FBXW7: variants seen among roughly 807,000 people sequenced by gnomAD.
The protein encoded by FBXW7 is F-box/WD repeat-containing protein 7.
A neutral mutation model predicts 86.3 loss-of-function variants in FBXW7; 11 were observed. That is an observed-to-expected ratio of 0.13 (90% CI 0.08 to 0.21). The LOEUF (loss-of-function observed/expected upper bound fraction) is 0.21, where lower values mean the gene tolerates loss of function less well. FBXW7 is among the 10% of genes least tolerant of loss of function. FBXW7 has a pLI of 1.00. For missense variants in FBXW7, 488 were observed against 847.4 expected, an observed-to-expected ratio of 0.58 and a Z score of 5.27; for synonymous variants, 313 against 297.9, an observed-to-expected ratio of 1.05 and a Z score of -0.52.
chr4:152,441,566 T>C (rs1740895166), intron 2 of FBXW7, among the ~76,000 whole-genome samples: 1 of 152,268 alleles, frequency 6.6e-6, no homozygotes, highest in African/African-American at 2.4e-5. Context: ...TTCAATTCAC[T>C]CTTAATGAAG....
At chr4:152,334,212 T>G (rs1729851047) in intron 7 of FBXW7, among the ~76,000 whole-genome samples, 1 of 152,206 alleles carries the variant, frequency 6.6e-6, no homozygotes. Context: ...ACTTTTGGTA[T>G]ATCAGAGAAG....
chr4:152,522,217 G>A lies in FBXW7; in HGVS notation c.-120+12724C>T, dbSNP rs1329629871. ...ACACTACGGCACTCATATCTCATAA[G>A]CCCTCTATTCATAATACACTTTTAC... On this transcript the variant is annotated intron_variant, in intron 2 of 13. Coordinates refer to ENST00000281708, the MANE Select transcript of FBXW7 (RefSeq NM_001349798.2). 2.0e-5 allele frequency among the ~76,000 whole-genome samples: 3 copies of A among 151,984 alleles called. No homozygotes were observed. In the East Asian group the frequency reaches 5.8e-4, roughly 29 times the overall value.
At position 152,321,408 on chromosome 4, in the gene FBXW7, T is replaced by C. The variant is rs185600837; in HGVS notation, c.*1473A>G. On this transcript the variant is annotated 3_prime_UTR_variant, in exon 14 of 14. Transcript: ENST00000281708. Reference sequence around the variant, plus strand: ...TAAAATTAACCAACTTGAATCTGATTGTTTTAAATCAGACTATAAATAAAA... The same window carrying C: ...TAAAATTAACCAACTTGAATCTGATCGTTTTAAATCAGACTATAAATAAAA... The C allele has an allele frequency of 1.3e-5, 3 of 233,002 alleles. No homozygotes were observed. The Admixed American group carries it at 1.7e-4, about 13-fold the overall frequency. The allele number at this position is 233,002 out of a possible 1,614,324, so 14.4% of individuals were successfully genotyped here.
intron 2 of FBXW7, among the ~76,000 whole-genome samples, chr4:152,504,008 A>G (rs1477984957): frequency 6.6e-6 from 1 of 152,230 alleles, no homozygotes; most frequent in East Asian, 1.9e-4. Flanking sequence ...GTATAGTGGA[A>G]TAACTTCACA....
chr4:152,401,944 T>C (rs1414864298), intron 4 of FBXW7, among the ~76,000 whole-genome samples: 2 of 152,102 alleles, frequency 1.3e-5, no homozygotes, highest in Non-Finnish European at 2.9e-5. Flanking sequence ...GGTTTCCTTG[T>C]AAAGGACAAG....
At chr4:152,326,458 C>T (rs888450789) in intron 11 of FBXW7, among the ~76,000 whole-genome samples, 3 of 151,162 alleles carry the variant, frequency 2.0e-5, no homozygotes, top group African/African-American at 7.3e-5. Flanking sequence ...ATGCTTGGTT[C>T]CCTGACCTGG....
At chr4:152,471,223 T>C (rs532147785) in intron 2 of FBXW7, among the ~76,000 whole-genome samples, 143 of 151,842 alleles carry the variant, frequency 9.4e-4, no homozygotes, top group African/African-American at 3.3e-3. Flanking sequence ...GACCTATATA[T>C]ATAAAATTTT....
At chr4:152,370,888 A>ACAAGAAG (rs2126735666) in intron 4 of FBXW7, among the ~76,000 whole-genome samples, 1 of 152,092 alleles carries the variant, frequency 6.6e-6, no homozygotes, top group South Asian at 2.1e-4. Flanking sequence ...ATATATAAAC[A>ACAAGAAG]CAAGACACTA....
At chr4:152,438,826 A>G (rs1740618308) in intron 2 of FBXW7, among the ~76,000 whole-genome samples, 1 of 152,226 alleles carries the variant, frequency 6.6e-6, no homozygotes, top group East Asian at 1.9e-4. Context: ...AAAAATATAC[A>G]AACATGCACA....
At chr4:152,368,092 C>T (rs1056030762) in intron 4 of FBXW7, among the ~76,000 whole-genome samples, 2 of 151,650 alleles carry the variant, frequency 1.3e-5, no homozygotes, top group Admixed American at 1.3e-4. Context: ...TGATTTTTAA[C>T]GCACTCTGTT....
chr4:152,456,387 A>C (rs946735619), intron 2 of FBXW7, among the ~76,000 whole-genome samples: 1 of 139,564 alleles, frequency 7.2e-6, no homozygotes, highest in African/African-American at 2.7e-5. Context: ...AAAAAAAAAA[A>C]CAGCCAAGTG....
At chr4:152,377,102 G>C (rs779715437) in intron 4 of FBXW7, among the ~76,000 whole-genome samples, 259 of 152,084 alleles carry the variant, frequency 1.7e-3, no homozygotes, top group Middle Eastern at 0.017. Flanking sequence ...AATACTAATA[G>C]TTGAAACGTG....
chr4:152,432,203 T>C (rs2126952827), intron 2 of FBXW7, among the ~76,000 whole-genome samples: 1 of 152,302 alleles, frequency 6.6e-6, no homozygotes, highest in South Asian at 2.1e-4. Context: ...AGTTGTGAAC[T>C]CTAGGAAAAC....
chr4:152,393,998 G>C (rs1334500585), intron 4 of FBXW7, among the ~76,000 whole-genome samples: 1 of 152,036 alleles, frequency 6.6e-6, no homozygotes. Flanking sequence ...TTATATGCAA[G>C]ATGCTACCCT....
chr4:152,497,615 CA>C (rs560284765), intron 2 of FBXW7, among the ~76,000 whole-genome samples: 1 of 151,328 alleles, frequency 6.6e-6, no homozygotes, highest in Non-Finnish European at 1.5e-5. Flanking sequence ...TTCAAATAGG[CA>C]AAAAAATCAT....
At chr4:152,522,710 T>C (rs1309223577) in intron 2 of FBXW7, among the ~76,000 whole-genome samples, 3 of 152,368 alleles carry the variant, frequency 2.0e-5, no homozygotes, top group Middle Eastern at 3.4e-3. Flanking sequence ...GACCCTGTTA[T>C]AGATTGTTAT....
chr4:152,340,107 A>G (rs1053167296), intron 6 of FBXW7, among the ~76,000 whole-genome samples: 3 of 152,084 alleles, frequency 2.0e-5, no homozygotes, highest in Non-Finnish European at 4.4e-5. Context: ...AAGTACATGG[A>G]AAAAAATTAT....
At chr4:152,335,437 C>G (rs1452003368) in intron 7 of FBXW7, among the ~76,000 whole-genome samples, 1 of 152,162 alleles carries the variant, frequency 6.6e-6, no homozygotes, top group African/African-American at 2.4e-5. Context: ...CACTGCATCC[C>G]AGCCTGGGCA....
chr4:152,517,585 A>G (rs1353066248), intron 2 of FBXW7, among the ~76,000 whole-genome samples: 1 of 152,214 alleles, frequency 6.6e-6, no homozygotes, highest in African/African-American at 2.4e-5. Flanking sequence ...CAGCTCCACT[A>G]TTAACTAAAG....
Sources: gnomAD v4.1 joint callset for allele counts (sites outside exome capture counted in the v4.1 genomes callset) on GRCh38, gnomAD v4.1.1 for gene constraint, MANE v1.5 for transcripts, NCBI Gene and HGNC (gene_info 2026-07-23, HGNC 2026-07-21) for gene names.